ERICH1: variants seen among roughly 807,000 people sequenced by gnomAD.
ERICH1 encodes the protein glutamate rich 1.
A neutral mutation model predicts 39.6 loss-of-function variants in ERICH1; 56 were observed. The observed-to-expected ratio is 1.41, with a 90% CI of 1.14 to 1.77. The LOEUF is 1.77. ERICH1 is among the 40% of genes most tolerant of loss of function. The pLI is 0.00. For missense variants in ERICH1, 826 were observed against 575.4 expected (o/e 1.44, Z -4.45); for synonymous variants, 313 against 223.6 (o/e 1.40, Z -3.57).
chr8:645,701 C>G (rs1799450670), intron 3 of ERICH1, among the ~76,000 whole-genome samples: 1 of 68,578 alleles, frequency 1.5e-5, no homozygotes, highest in Non-Finnish European at 4.6e-5. Context: ...CTTTGCTGCC[C>G]AGGCTGGTCT....
At chr8:689,708 G>T (rs979291394) in intron 3 of ERICH1, among the ~76,000 whole-genome samples, 8 of 152,202 alleles carry the variant, frequency 5.3e-5, no homozygotes, top group Admixed American at 3.3e-4. Context: ...CTGTCGTGCT[G>T]CTGGGAAGGT....
At chr8:633,225 G>A (rs1798163738) in intron 3 of ERICH1, among the ~76,000 whole-genome samples, 1 of 152,220 alleles carries the variant, frequency 6.6e-6, no homozygotes, top group African/African-American at 2.4e-5. Flanking sequence ...ACTCTGTTCT[G>A]AGGTTCACAC....
At chr8:623,304 T>G (rs948948129) in intron 3 of ERICH1, among the ~76,000 whole-genome samples, 2 of 152,150 alleles carry the variant, frequency 1.3e-5, no homozygotes, top group African/African-American at 4.8e-5. Flanking sequence ...GGCTTCCCAA[T>G]AGACGCAGGA....
rs745509894 is a variant in ERICH1, at chr8:673,311, T to G, written c.1041A>C (p.Thr347=). 4 of 1,607,776 alleles carry G rather than the reference T, an allele frequency of 2.5e-6. No homozygotes were observed. The highest frequency in any genetic ancestry group is 3.4e-6 in the Non-Finnish European group (4 of 1,174,594). The part of the protein sequence containing the change: ...AHSILNFLKS[T]QEMYFYDGVS... ...TACCGTCATAAAAATACATTTCCTGTGTTGACTTCAAAAAATTTAGAATAC... is the reference window on the plus strand; with the variant it reads ...TACCGTCATAAAAATACATTTCCTGGGTTGACTTCAAAAAATTTAGAATAC... Residue 347 remains threonine (T), a synonymous_variant, in exon 4 of 6, where the codon ACA becomes ACC. Coordinates refer to ENST00000262109, the MANE Select transcript of ERICH1 (RefSeq NM_207332.3).
chr8:684,415 A>T (rs906674156), intron 3 of ERICH1, among the ~76,000 whole-genome samples: 8 of 152,058 alleles, frequency 5.3e-5, no homozygotes, highest in African/African-American at 1.9e-4. Flanking sequence ...TCCACAAAAA[A>T]ATGTTAAAAT....
intron 3 of ERICH1, chr8:616,510 T>C (rs1796906653): frequency 4.4e-6 from 2 of 455,600 alleles, no homozygotes; most frequent in Admixed American, 4.7e-5. Context: ...CTCCCAGGAA[T>C]TTGGAGTTGA....
In ERICH1 at chr8:619,275, C is replaced by T. The variant is rs562874186; in HGVS notation, c.977-3991G>A. Among the ~76,000 whole-genome samples the T allele has an allele frequency of 9.2e-5, 14 of 152,230 alleles. No homozygotes were observed. In the East Asian group the frequency reaches 2.7e-3, roughly 29 times the overall value. On this transcript the variant is annotated intron_variant, in intron 3 of 3. Transcript: ENST00000522706. The stretch of plus-strand genomic sequence containing the variant: ...ACGTGACCCATCGCGCACAAGGAGG[C>T]CCCGGTGAGACCCACCGCGCACGAG...
chr8:728,691 G>A (rs1188071047), intron 1 of ERICH1, among the ~76,000 whole-genome samples: 4 of 152,184 alleles, frequency 2.6e-5, no homozygotes, highest in Non-Finnish European at 5.9e-5. Context: ...GTTCATGGTC[G>A]GAGCTGCACA....
At chr8:628,286 G>A (rs906023731) in intron 3 of ERICH1, among the ~76,000 whole-genome samples, 4 of 152,362 alleles carry the variant, frequency 2.6e-5, no homozygotes, top group Admixed American at 2.6e-4. Context: ...TCAGCTCAGA[G>A]CTGGCTGTGG....
At chr8:691,210 C>G (rs1808821453) in intron 3 of ERICH1, 1 of 53,952 alleles carries the variant, frequency 1.9e-5, no homozygotes, top group Admixed American at 1.8e-4. Context: ...GCAAGGGGGC[C>G]CGGGCAACAG....
intron 4 of ERICH1, among the ~76,000 whole-genome samples, chr8:672,620 G>C (rs1803691364): frequency 6.6e-6 from 1 of 152,136 alleles, no homozygotes; most frequent in Non-Finnish European, 1.5e-5. Context: ...AGAGAAGAAA[G>C]CCAGGAAGCC....
intron 2 of ERICH1, among the ~76,000 whole-genome samples, chr8:698,442 C>T (rs1563290941): frequency 6.6e-6 from 1 of 152,122 alleles, no homozygotes; most frequent in Non-Finnish European, 1.5e-5. Flanking sequence ...TCGTCTTGAA[C>T]TCCTGACCTC....
At chr8:696,802 ACTCCT>A (rs1810399273) in intron 2 of ERICH1, among the ~76,000 whole-genome samples, 1 of 10,390 alleles carries the variant, frequency 9.6e-5, no homozygotes, top group African/African-American at 7.1e-4. Context: ...CTCACCCTCC[ACTCCT>A]CTCCTTCCTC....
Position 673,421 on chromosome 8 carries a change from C to T in ERICH1, c.931G>A (p.Glu311Lys), listed in dbSNP as rs1803888992. 2 of 1,614,070 alleles carry T rather than the reference C, an allele frequency of 1.2e-6. No homozygotes were observed. Among genetic ancestry groups the T allele is most frequent in the African/African-American group, 1.3e-5 (1 of 75,012 alleles). Residue 311 changes from glutamate (E) to lysine (K), a missense_variant, in exon 4 of 6, where the codon GAG (glutamate) becomes AAG (lysine). Transcript: ENST00000262109. ...TCCCCGGAGTCTGCACCCTCTTCCT[C>T]CCCAGCCCATGTCGGGTCTTCCTCG... Reference protein sequence around the residue: ...ASEEDPTWAGEEEGADSGEED... With the variant: ...ASEEDPTWAGKEEGADSGEED...
chr8:677,258 T>G (rs968880415), intron 3 of ERICH1, among the ~76,000 whole-genome samples: 8 of 152,216 alleles, frequency 5.3e-5, no homozygotes, highest in Non-Finnish European at 8.8e-5. Flanking sequence ...CCCCTCTTCA[T>G]TGGATGTAGA....
In ERICH1 at chr8:664,699, C is replaced by G. The variant is rs1485985389; in HGVS notation, c.1259-23G>C. Reference sequence around the variant, plus strand: ...GGTCTAGAAAGCAAAAAACACAAAACAAAAAATAAAACAAAGACAAAAAGA... The same window carrying G: ...GGTCTAGAAAGCAAAAAACACAAAAGAAAAAATAAAACAAAGACAAAAAGA... On this transcript the variant is annotated intron_variant, in intron 5 of 5. Transcript: ENST00000262109. 3 of 1,566,628 alleles carry G rather than the reference C, an allele frequency of 1.9e-6. No individual in the cohort carries two copies. The African/African-American group carries it at 4.1e-5, about 21-fold the overall frequency.
At chr8:665,317 G>A (rs536192166) in intron 5 of ERICH1, among the ~76,000 whole-genome samples, 1 of 152,308 alleles carries the variant, frequency 6.6e-6, no homozygotes, top group African/African-American at 2.4e-5. Flanking sequence ...GAGCCCGCCG[G>A]CCCTGGCTCT....
chr8:650,022 G>A (rs756728494), intron 3 of ERICH1, among the ~76,000 whole-genome samples: 1 of 152,200 alleles, frequency 6.6e-6, no homozygotes, highest in Non-Finnish European at 1.5e-5. Flanking sequence ...CGGCGAGGGC[G>A]GCCTCCCTGC....
chr8:625,716 A>G (rs1279693435), intron 3 of ERICH1: 1 of 152,236 alleles, frequency 6.6e-6, no homozygotes, highest in Admixed American at 6.5e-5. Context: ...TGCAGCAAGT[A>G]TGGCTTAAAC....
Sources: allele counts gnomAD v4.1 joint callset (sites outside exome capture counted in the v4.1 genomes callset), GRCh38; gene constraint gnomAD v4.1.1; transcripts MANE v1.5; gene names NCBI Gene and HGNC (gene_info 2026-07-23, HGNC 2026-07-21).